The following RAP1GAP2 variants were observed in gnomAD, a reference collection of about 807,000 sequenced individuals.
The protein encoded by RAP1GAP2 is rap1 GTPase-activating protein 2.
Under a neutral mutation model 95.0 loss-of-function variants are expected in RAP1GAP2, and 27 were observed. The observed-to-expected ratio is 0.28, with a 90% CI of 0.21 to 0.39. RAP1GAP2 has a LOEUF of 0.39. RAP1GAP2 is among the 10% of genes least tolerant of loss of function. RAP1GAP2 has a pLI of 1.00. For synonymous variants in RAP1GAP2, 373 were observed against 380.9 expected, an observed-to-expected ratio of 0.98 and a Z score of 0.24; for missense variants, 771 against 970.0, an observed-to-expected ratio of 0.79 and a Z score of 2.72.
upstream of RAP1GAP2, among the ~76,000 whole-genome samples, chr17:2,792,271 C>A (rs1292870072): frequency 6.6e-6 from 1 of 152,182 alleles, no homozygotes; most frequent in Non-Finnish European, 1.5e-5. Flanking sequence ...CAAGAAGCTG[C>A]GCGGGACTGA....
chr17:2,911,461 T>C (rs2042379144), intron 3 of RAP1GAP2, among the ~76,000 whole-genome samples: 1 of 151,856 alleles, frequency 6.6e-6, no homozygotes, highest in Non-Finnish European at 1.5e-5. Context: ...CTGATTTTCA[T>C]GCCCCAATGG....
chr17:2,776,901 C>G (rs956464749), upstream of RAP1GAP2, among the ~76,000 whole-genome samples: 3 of 152,084 alleles, frequency 2.0e-5, no homozygotes, highest in Admixed American at 2.0e-4. Flanking sequence ...ACTGAGGTGC[C>G]CTTCGCTCCG....
At chr17:2,773,093 C>T (rs1462627670), upstream of RAP1GAP2, among the ~76,000 whole-genome samples, 3 of 152,088 alleles carry the variant, frequency 2.0e-5, no homozygotes, top group Non-Finnish European at 4.4e-5. Flanking sequence ...CCTCGAACTC[C>T]TCCCAGAGTG....
At chr17:2,980,436 C>A in intron 9 of RAP1GAP2, 71 bp downstream of exon 9, 1 of 1,461,628 alleles carries the variant, frequency 6.8e-7, no homozygotes, top group Non-Finnish European at 9.6e-7. Context: ...AATGGGGGTG[C>A]AGGTATATCC....
At chr17:2,830,511 C>G (rs557723711) in intron 2 of RAP1GAP2, among the ~76,000 whole-genome samples, 2 of 151,932 alleles carry the variant, frequency 1.3e-5, no homozygotes, top group African/African-American at 2.4e-5. Context: ...GTCAAGAGAT[C>G]GAGACCATCC....
upstream of RAP1GAP2, among the ~76,000 whole-genome samples, chr17:2,795,473 C>A (rs920554064): frequency 6.6e-6 from 1 of 152,188 alleles, no homozygotes; most frequent in Non-Finnish European, 1.5e-5. Context: ...GAGATGAGGA[C>A]GAACCCTGCG....
chr17:2,894,403 C>G (rs2073819350), intron 2 of RAP1GAP2, among the ~76,000 whole-genome samples: 1 of 152,192 alleles, frequency 6.6e-6, no homozygotes, highest in Non-Finnish European at 1.5e-5. Context: ...GCTCTCCAGA[C>G]TGGGTGACAG....
At chr17:2,832,717 C>T (rs1156675517) in intron 2 of RAP1GAP2, among the ~76,000 whole-genome samples, 1 of 151,894 alleles carries the variant, frequency 6.6e-6, no homozygotes, top group Non-Finnish European at 1.5e-5. Flanking sequence ...TGACTCACTC[C>T]TGTAATCCCA....
chr17:2,756,139 TC>T (rs2071138650), intron 1 of RAP1GAP2, among the ~76,000 whole-genome samples: 1 of 152,208 alleles, frequency 6.6e-6, no homozygotes, highest in South Asian at 2.1e-4. Context: ...TGTGCCTCCC[TC>T]CGTTCCTTCT....
upstream of RAP1GAP2, among the ~76,000 whole-genome samples, chr17:2,772,188 AC>A (rs1291229249): frequency 1.3e-5 from 2 of 152,086 alleles, no homozygotes; most frequent in Non-Finnish European, 2.9e-5. Context: ...ACGGGGTTTC[AC>A]CATGGTCAGG....
At chr17:2,807,214 G>A (rs976650702) in intron 2 of RAP1GAP2, among the ~76,000 whole-genome samples, 2 of 152,312 alleles carry the variant, frequency 1.3e-5, no homozygotes, top group African/African-American at 4.8e-5. Context: ...CCAATTTAAT[G>A]ACTCTTTTCA....
rs1166384334 is a variant in RAP1GAP2 at position 2,963,953 on chromosome 17, T to C, written c.377T>C (p.Leu126Pro). 1 of 1,612,996 alleles carries C rather than the reference T, an allele frequency of 6.2e-7. No homozygotes were observed. Among genetic ancestry groups the C allele is most frequent in the Non-Finnish European group, 8.5e-7 (1 of 1,179,694 alleles). ...DPENVGTPTS[L>P]GSSICEEEEE... ...GAGAACGTGGGCACCCCAACATCGC[T>C]GGGGAGCAGCATCTGTGAGGAGGAG... The change falls in exon 7 of 25, where the codon CTG (leucine) becomes CCG (proline). Residue 126 changes from leucine (L) to proline (P), a missense_variant. Leu to Pro is a moderately conservative substitution (Grantham distance 98). Transcript: ENST00000254695. The surrounding 1 kb of genome is among the most constrained non-coding windows in gnomAD (Gnocchi z 4.8).
At chr17:2,790,011 T>C (rs1319296023) in intron 1 of RAP1GAP2, among the ~76,000 whole-genome samples, 1 of 152,152 alleles carries the variant, frequency 6.6e-6, no homozygotes, top group East Asian at 1.9e-4. Flanking sequence ...TGTTTTTATC[T>C]TGACCCTGAG....
intron 2 of RAP1GAP2, among the ~76,000 whole-genome samples, chr17:2,900,364 AATCATC>A (rs562514636): frequency 3.7e-4 from 56 of 151,304 alleles, no homozygotes; most frequent in African/African-American, 1.2e-3. Context: ...TATGAGTTAT[AATCATC>A]ATCATCATCA....
intron 3 of RAP1GAP2, among the ~76,000 whole-genome samples, chr17:2,954,432 AT>A (rs1360827585): frequency 1.3e-5 from 2 of 151,700 alleles, no homozygotes; most frequent in African/African-American, 4.8e-5. Context: ...GTGGACGTGT[AT>A]TTTCCATTCT....
At chr17:2,929,091 G>A (rs1276366574) in intron 3 of RAP1GAP2, among the ~76,000 whole-genome samples, 1 of 152,194 alleles carries the variant, frequency 6.6e-6, no homozygotes, top group East Asian at 1.9e-4. Flanking sequence ...AAACTAGTTG[G>A]GCATGGAGGT....
Position 3,026,336 on chromosome 17 carries a change from C to G in RAP1GAP2, c.1866-14C>G. 1 of 1,545,528 alleles carries G rather than the reference C, an allele frequency of 6.5e-7. No homozygotes were observed. The highest frequency in any genetic ancestry group is 1.2e-5 in the South Asian group (1 of 83,894). ...CGTGTGACCCGGGCTGGCCTCACTT[C>G]CTATTCCCTGCAGGCCCTTCATGAA... On this transcript the variant is annotated splice_polypyrimidine_tract_variant and intron_variant, in intron 20 of 24. Transcript: ENST00000254695.
intron 2 of RAP1GAP2, among the ~76,000 whole-genome samples, chr17:2,816,098 T>G (rs901575628): frequency 2.0e-5 from 3 of 152,070 alleles, no homozygotes; most frequent in Non-Finnish European, 2.9e-5. Context: ...GCCCCTTGTT[T>G]CCATAGCAAC....
chr17:2,886,837 T>A (rs74944348), intron 2 of RAP1GAP2, among the ~76,000 whole-genome samples: 6,753 of 152,214 alleles, frequency 0.044, 195 homozygotes, highest in Middle Eastern at 0.068. Context: ...AGGCAAGTCA[T>A]CCAGGGATTG....
Sources: allele counts gnomAD v4.1 joint callset (sites outside exome capture counted in the v4.1 genomes callset), GRCh38; gene constraint gnomAD v4.1.1; non-coding constraint Gnocchi (gnomAD v3.1); transcripts MANE v1.5; gene names NCBI Gene and HGNC (gene_info 2026-07-23, HGNC 2026-07-21).